COL27A1: variants seen among roughly 807,000 people sequenced by gnomAD.
COL27A1 encodes collagen type XXVII alpha 1 chain.
COL27A1 carries 106 observed loss-of-function variants against 251.3 expected under a neutral mutation model. The ratio of observed to expected loss-of-function variants is 0.42; its 90% CI spans 0.36 to 0.50. The LOEUF is 0.50. Among genes scored for constraint, COL27A1 ranks in the 20% least tolerant of loss-of-function variants. The pLI, the probability that COL27A1 is intolerant of heterozygous loss-of-function variation, is 0.00. For missense variants in COL27A1, 2,325 were observed against 2,522.8 expected (o/e 0.92, Z 1.68); for synonymous variants, 1,000 against 986.3 (o/e 1.01, Z -0.26).
At position 114,264,416 on chromosome 9, in the gene COL27A1, C is replaced by T. The variant is rs1161487233; in HGVS notation, c.3249+8C>T. ...GGGTCCAGGGGCCTGAAGGTACCGA[C>T]CCCTAGGACCTGCCCTTCCTCACTC... On this transcript the variant is annotated splice_region_variant and intron_variant, in intron 29 of 60. Transcript: ENST00000356083. The T allele has an allele frequency of 3.8e-6, 6 of 1,562,988 alleles. No homozygotes were observed. Among genetic ancestry groups the T allele is most frequent in the Non-Finnish European group, 4.3e-6 (5 of 1,152,000 alleles).
intron 1 of COL27A1, among the ~76,000 whole-genome samples, chr9:114,157,101 C>CACAT (rs765641221): frequency 7.2e-6 from 1 of 138,904 alleles, no homozygotes; most frequent in Non-Finnish European, 1.6e-5. Flanking sequence ...CACACACACA[C>CACAT]ACATACGCGC....
intron 28 of COL27A1, among the ~76,000 whole-genome samples, chr9:114,262,958 A>G (rs1316930704): frequency 2.9e-4 from 3 of 10,510 alleles, no homozygotes; most frequent in African/African-American, 4.6e-4. Flanking sequence ...TTTTTTTTTG[A>G]GATGGAGTCT....
At position 114,288,517 on chromosome 9, in the gene COL27A1, C is replaced by A; in HGVS notation, c.4044+6C>A. The A allele has an allele frequency of 6.2e-7, 1 of 1,601,266 alleles. No homozygotes were observed. ...CTGGGCCACCTGGAGATCGGGTAAG[C>A]CCCCTCCCTCCCCTGGACCATGTGG... On this transcript the variant is annotated splice_donor_region_variant and intron_variant, in intron 42 of 60. Transcript: ENST00000356083.
chr9:114,247,065 T>C (rs1833191910), intron 24 of COL27A1, among the ~76,000 whole-genome samples: 1 of 152,182 alleles, frequency 6.6e-6, no homozygotes, highest in South Asian at 2.1e-4. Flanking sequence ...AGGGATCCCC[T>C]TCTCAGAATA....
At chr9:114,277,072 C>CT (rs1835557234) in intron 37 of COL27A1, among the ~76,000 whole-genome samples, 1 of 152,166 alleles carries the variant, frequency 6.6e-6, no homozygotes, top group South Asian at 2.1e-4. Flanking sequence ...CAGGGCTTGG[C>CT]TGTGGGGCTG....
At position 114,258,591 on chromosome 9, in the gene COL27A1, T is replaced by C. The variant is rs1834107027; in HGVS notation, c.3192T>C (p.Arg1064=). The C allele has an allele frequency of 1.2e-6, 2 of 1,613,796 alleles. No homozygotes were observed. Among genetic ancestry groups the C allele is most frequent in the African/African-American group, 1.3e-5 (1 of 74,908 alleles). ...GPPGMRGAKG[R]RGPRGPDGPA... ...CAGGCATGAGGGGAGCAAAGGGACG[T>C]CGGGTAAGTCGAGCCCAGCTCCTGG... The change falls in exon 28 of 61, where the codon CGT becomes CGC. Residue 1064 remains arginine (R), a synonymous_variant. Transcript: ENST00000356083.
chr9:114,154,104 A>C (rs921073123), upstream of COL27A1, among the ~76,000 whole-genome samples: 9 of 151,684 alleles, frequency 5.9e-5, no homozygotes, highest in Non-Finnish European at 4.4e-5. This position sits in a 1 kb window ranked among gnomAD's most constrained non-coding sequence, Gnocchi z 5.8. Context: ...CCCAGCACCT[A>C]TGAGCCGCCC....
chr9:114,218,020 G>A (rs548155530), intron 12 of COL27A1: 4 of 355,418 alleles, frequency 1.1e-5, no homozygotes, highest in South Asian at 4.2e-5. Context: ...AGGCTGAGGC[G>A]GCAGGATCAC....
In COL27A1 at chr9:114,301,329, T is replaced by G. The variant is rs1430005480; in HGVS notation, c.4791+10T>G. 8.0e-7 allele frequency: 1 copy of G among 1,248,094 alleles called. No homozygotes were observed. The highest frequency in any genetic ancestry group is 1.8e-5 in the African/African-American group (1 of 54,138). The allele number at this position is 1,248,094 out of a possible 1,614,324, so 77.3% of individuals were successfully genotyped here. A position where few individuals can be genotyped will look rare whatever the true frequency, so the allele number is the denominator to read the frequency against. On this transcript the variant is annotated intron_variant, in intron 53 of 60. Transcript: ENST00000356083. ...CAGCCGTGGGGACTGGGTAAGTGGATGGGCTGGGGCTGAGGGATGCAGCAC... is the reference window on the plus strand; with the variant it reads ...CAGCCGTGGGGACTGGGTAAGTGGAGGGGCTGGGGCTGAGGGATGCAGCAC...
chr9:114,301,585 T>A, intron 54 of COL27A1, 97 bp from the exon 55 acceptor site: 1 of 1,525,118 alleles, frequency 6.6e-7, no homozygotes, highest in Non-Finnish European at 8.9e-7. Flanking sequence ...GAGGAACCAT[T>A]GTCCCTGGGT....
chr9:114,231,558 C>T (rs541351185), intron 15 of COL27A1, among the ~76,000 whole-genome samples: 9 of 152,226 alleles, frequency 5.9e-5, no homozygotes, highest in African/African-American at 1.9e-4. Flanking sequence ...GCGTGTGACA[C>T]GGCTCATTAA....
chr9:114,306,646 G>C lies in COL27A1; in HGVS notation c.5065G>C (p.Val1689Leu). ...PLGTKENPAR[V>L]CRDLMDCEQK... ...GGGCACCAAAGAGAACCCCGCCCGGGTCTGCAGGGACCTCATGGACTGTGA... is the reference window on the plus strand; with the variant it reads ...GGGCACCAAAGAGAACCCCGCCCGGCTCTGCAGGGACCTCATGGACTGTGA... The change falls in exon 58 of 61, where the codon GTC becomes CTC. Residue 1689 changes from valine to leucine, a missense_variant. This residue lies in a region of COL27A1 where 327 missense variants were observed against 442.8 expected (regional missense o/e 0.74). Transcript: ENST00000356083. 6.2e-7 allele frequency: 1 copy of C among 1,614,200 alleles called. No individual in the cohort carries two copies. Among genetic ancestry groups the C allele is most frequent in the Non-Finnish European group, 8.5e-7 (1 of 1,180,042 alleles).
chr9:114,285,259 G>T (rs566843759), intron 41 of COL27A1, among the ~76,000 whole-genome samples: 1 of 152,290 alleles, frequency 6.6e-6, no homozygotes, highest in Non-Finnish European at 1.5e-5. Flanking sequence ...GGGAAGGCAT[G>T]TTCATTCCCC....
rs1381748610 is a variant in COL27A1, at chr9:114,288,527, C to T, written c.4044+16C>T. The T allele has an allele frequency of 6.3e-7, 1 of 1,598,318 alleles. No individual in the cohort carries two copies. The highest frequency in any genetic ancestry group is 8.5e-7 in the Non-Finnish European group (1 of 1,173,792). ...TGGAGATCGGGTAAGCCCCCTCCCT[C>T]CCCTGGACCATGTGGCGTCCTAGGT... On this transcript the variant is annotated intron_variant, in intron 42 of 60. Transcript: ENST00000356083.
At position 114,252,574 on chromosome 9, in the gene COL27A1, A is replaced by G. The variant is rs1467503800; in HGVS notation, c.3034-19A>G. On this transcript the variant is annotated intron_variant, in intron 25 of 60. Coordinates refer to ENST00000356083, the MANE Select transcript of COL27A1 (RefSeq NM_032888.4). ...ACAGCCATAGCCGTGACCTGCCTGCATTGCTGTCTCCATCACAGGGTGATC... is the reference window on the plus strand; with the variant it reads ...ACAGCCATAGCCGTGACCTGCCTGCGTTGCTGTCTCCATCACAGGGTGATC... 9 of 1,613,466 alleles carry G rather than the reference A, an allele frequency of 5.6e-6. No homozygotes were observed. The highest frequency in any genetic ancestry group is 1.3e-5 in the African/African-American group (1 of 75,022).
chr9:114,206,316 T>C lies in COL27A1; in HGVS notation c.2268+20T>C. The C allele has an allele frequency of 6.2e-7, 1 of 1,613,478 alleles. No homozygotes were observed. The highest frequency in any genetic ancestry group is 1.7e-5 in the Admixed American group (1 of 60,010). ...AGCAGGGTAAGTGGTTCCTGGCCAG[T>C]GCCACATGGGTGGGGTTCTAGGTGA... On this transcript the variant is annotated intron_variant, in intron 10 of 60. Coordinates refer to ENST00000356083, the MANE Select transcript of COL27A1 (RefSeq NM_032888.4).
intron 24 of COL27A1, among the ~76,000 whole-genome samples, chr9:114,249,406 G>A (rs899026360): frequency 7.2e-5 from 11 of 152,282 alleles, no homozygotes; most frequent in African/African-American, 2.6e-4. Context: ...TCCACCATGC[G>A]TAGTGCCAGC....
intron 27 of COL27A1, among the ~76,000 whole-genome samples, chr9:114,253,295 A>AAAAGAAAG (rs144800654): frequency 0.022 from 3,091 of 140,310 alleles, 45 homozygotes; most frequent in South Asian, 0.073. Context: ...GAGACAGAGA[A>AAAAGAAAG]AAAGAAAGAA....
chr9:114,294,224 G>A (rs1464288637), intron 49 of COL27A1, among the ~76,000 whole-genome samples: 1 of 147,264 alleles, frequency 6.8e-6, no homozygotes, highest in Non-Finnish European at 1.5e-5. Context: ...CTCCAGCCTG[G>A]GCGACAGGGA....
Sources: gnomAD v4.1 joint callset for allele counts (sites outside exome capture counted in the v4.1 genomes callset) on GRCh38, gnomAD v4.1.1 for gene constraint, gnomAD v4.1.1 regional missense constraint, Gnocchi (gnomAD v3.1) non-coding constraint, MANE v1.5 for transcripts, NCBI Gene and HGNC (gene_info 2026-07-23, HGNC 2026-07-21) for gene names.